Variants in DDX3X observed in about 807,000 individuals in gnomAD.
DDX3X encodes the protein ATP-dependent RNA helicase DDX3X.
Under a neutral mutation model 52.7 loss-of-function variants are expected in DDX3X, and 4 were observed. The ratio of observed to expected loss-of-function variants is 0.08; its 90% CI spans 0.04 to 0.17. The LOEUF (loss-of-function observed/expected upper bound fraction) is 0.17. Among genes scored for constraint, DDX3X ranks in the 10% least tolerant of loss-of-function variants. The pLI is 1.00. For missense variants in DDX3X, 222 were observed against 548.6 expected, an observed-to-expected ratio of 0.40 and a Z score of 5.95; for synonymous variants, 192 against 178.1, an observed-to-expected ratio of 1.08 and a Z score of -0.62.
chrX:41,334,049 A>AGAAGTCGCCGCGAC, upstream of DDX3X: 4 of 434,730 alleles, frequency 9.2e-6, no homozygotes, highest in South Asian at 1.5e-4. Flanking sequence ...GTAGCCGGGC[A>AGAAGTCGCCGCGAC]GAAGTCGCCG....
chrX:41,334,821 G>A (rs1224146481), intron 1 of DDX3X: 1 of 862,725 alleles, frequency 1.2e-6, no homozygotes, highest in Non-Finnish European at 1.5e-6. Flanking sequence ...TCGGGGTAAT[G>A]GCGGCGGCCT....
chrX:41,362,336 G>A lies in DDX3X; in HGVS notation c.655-1938G>A, dbSNP rs1721683. On this transcript the variant is annotated intron_variant, in intron 5 of 5. Coordinates refer to the DDX3X transcript ENST00000616050. ...ACTCCTGACCTCAGGTAATCTGCCC[G>A]CCTTGGCCCCTCAAAGTGCTGGGAT... Among the ~76,000 whole-genome samples, 553 of 110,473 alleles carry A rather than the reference G, an allele frequency of 5.0e-3. 4 individuals are homozygous for A. The highest frequency in any genetic ancestry group is 7.3e-3 in the Non-Finnish European group (386 of 52,827).
In DDX3X at chrX:41,342,641, A is replaced by G; in HGVS notation, c.431A>G (p.Glu144Gly). Residue 144 changes from glutamate to glycine, a missense_variant, in exon 5 of 17, where the codon GAA becomes GGA. Coordinates refer to ENST00000644876, the MANE Select transcript of DDX3X (RefSeq NM_001356.5). The stretch of plus-strand genomic sequence containing the variant: ...TGGTCAAAACCACTCCCACCAAGTG[A>G]ACGCTTGGAACAGTAAGTTTTTGAA... Reference protein sequence around the residue: ...DDWSKPLPPSERLEQELFSGG... With the variant: ...DDWSKPLPPSGRLEQELFSGG... 8.3e-7 allele frequency: 1 copy of G among 1,211,787 alleles called. No individual in the cohort carries two copies. Among genetic ancestry groups the G allele is most frequent in the Non-Finnish European group, 1.1e-6 (1 of 895,420 alleles).
At chrX:41,352,426 C>T (rs2063992623), downstream of DDX3X, among the ~76,000 whole-genome samples, 1 of 111,328 alleles carries the variant, frequency 9.0e-6, no homozygotes, top group Admixed American at 9.7e-5. Context: ...TCATTCTATT[C>T]CCAACAGCCC....
chrX:41,362,083 C>CTTT lies in DDX3X; in HGVS notation c.655-2171_655-2169dup, dbSNP rs1176759189. On this transcript the variant is annotated intron_variant, in intron 5 of 5. Transcript: ENST00000616050. ...CTAAAATCCTGAGCCAAATAATTAA[C>CTTT]TTTTTTTTTTTTTTTTTTTTTTGAG... 2.2e-3 allele frequency among the ~76,000 whole-genome samples: 158 copies of CTTT among 72,656 alleles called. 3 individuals carry two copies. The highest frequency in any genetic ancestry group is 0.01 in the East Asian group (19 of 1,870). The allele number at this position is 72,656 out of a possible 115,157, so 63.1% of individuals were successfully genotyped here. A position where few individuals can be genotyped will look rare whatever the true frequency, so the allele number is the denominator to read the frequency against.
Position 41,350,022 on chromosome X carries a change from CAGCA to C in DDX3X, c.*2309_*2312del, listed in dbSNP as rs1383729009. The C allele has an allele frequency of 5.4e-5, 6 of 110,410 alleles. No homozygotes were observed. The highest frequency in any genetic ancestry group is 2.0e-4 in the African/African-American group (6 of 30,369). The allele number at this position is 110,410 out of a possible 1,213,427, so 9.1% of individuals were successfully genotyped here. A position where few individuals can be genotyped will look rare whatever the true frequency, so the allele number is the denominator to read the frequency against. On this transcript the variant is annotated 3_prime_UTR_variant, in exon 17 of 17. Coordinates refer to ENST00000644876, the MANE Select transcript of DDX3X (RefSeq NM_001356.5). ...GCAATAGCATTTGAGCAAGTTTTAT[CAGCA>C]AGCAATATTTTCAGTTAATAAGGTT...
intron 4 of DDX3X, 23 bp downstream of exon 4, chrX:41,341,639 T>C (rs1569236428): frequency 2.5e-6 from 3 of 1,191,027 alleles, no homozygotes; most frequent in Non-Finnish European, 3.4e-6. Flanking sequence ...TTAATCACCT[T>C]ACGTGTATGT....
chrX:41,346,146 T>G, intron 12 of DDX3X, 83 bp from the exon 13 acceptor site: 1 of 827,353 alleles, frequency 1.2e-6, no homozygotes, highest in Non-Finnish European at 1.7e-6. Context: ...GTATTTTAAT[T>G]GACACATTAA....
At chrX:41,353,474 T>A (rs5963959), downstream of DDX3X, among the ~76,000 whole-genome samples, 580 of 101,830 alleles carry the variant, frequency 5.7e-3, 4 homozygotes, top group African/African-American at 0.018. Flanking sequence ...TCTCAAAAAA[T>A]ATATATATAT....
rs1306601669 is a variant in DDX3X, at chrX:41,340,766, C to G, written c.152-718C>G. 1.0e-5 allele frequency: 3 copies of G among 294,924 alleles called. No homozygotes were observed. The Admixed American group carries it at 1.9e-4, about 18-fold the overall frequency. 24.3% of individuals were successfully genotyped at this position (294,924 alleles called of 1,213,427 possible). On this transcript the variant is annotated intron_variant, in intron 3 of 16. Transcript: ENST00000644876. ...GTATTAAACCAAGTAATCTGACAGT[C>G]TATGAATGTTCTAAATGAATACCAC...
chrX:41,333,898 T>C (rs927514334), upstream of DDX3X: 5 of 177,627 alleles, frequency 2.8e-5, no homozygotes, highest in Non-Finnish European at 3.2e-5. Context: ...AGGCTGAGAC[T>C]AGGGTTTTAG....
intron 12 of DDX3X, 99 bp downstream of exon 12, chrX:41,345,647 A>G (rs1304480572): frequency 1.3e-6 from 1 of 754,412 alleles, no homozygotes; most frequent in African/African-American, 2.2e-5. Context: ...CTCATTACTG[A>G]TCAGCATGGG....
intron 3 of DDX3X, chrX:41,340,218 T>G (rs1278923422): frequency 8.9e-6 from 1 of 112,351 alleles, no homozygotes; most frequent in Admixed American, 9.4e-5. Context: ...TGGCATTATA[T>G]TCTTTTTAGG....
chrX:41,341,625 TTTC>T lies in DDX3X; in HGVS notation c.284+12_284+14del. The T allele has an allele frequency of 8.3e-7, 1 of 1,206,716 alleles. No homozygotes were observed. Among genetic ancestry groups the T allele is most frequent in the Non-Finnish European group, 1.1e-6 (1 of 891,349 alleles). ...AGTGGATCAAGGGGAAGGTAAGTGA[TTTC>T]TTAATCACCTTACGTGTATGTATAA... is the stretch of plus-strand genomic sequence containing the variant. On this transcript the variant is annotated intron_variant, in intron 4 of 16. Transcript: ENST00000644876.
rs1035452036 is a variant in DDX3X, at chrX:41,348,177, T to C, written c.*458T>C. The C allele has an allele frequency of 1.2e-4, 28 of 241,797 alleles. No individual in the cohort carries two copies. The highest frequency in any genetic ancestry group is 1.8e-4 in the Non-Finnish European group (25 of 136,133). The allele number at this position is 241,797 out of a possible 1,213,427, so 19.9% of individuals were successfully genotyped here. A position where few individuals can be genotyped will look rare whatever the true frequency, so the allele number is the denominator to read the frequency against. ...GTGTGATACAACTTAACAGGAATCA[T>C]CGATTCATCCATAAATAATATAAGG... On this transcript the variant is annotated 3_prime_UTR_variant, in exon 17 of 17. Coordinates refer to ENST00000644876, the MANE Select transcript of DDX3X (RefSeq NM_001356.5).
intron 10 of DDX3X, among the ~76,000 whole-genome samples, chrX:41,344,727 C>T (rs192692000): frequency 8.0e-5 from 9 of 112,204 alleles, no homozygotes; most frequent in East Asian, 5.6e-4. Flanking sequence ...TGTGAGCCAT[C>T]GCACCCGGCC....
intron 13 of DDX3X, 37 bp downstream of exon 13, chrX:41,346,447 A>G (rs747766991): frequency 2.5e-6 from 3 of 1,193,091 alleles, no homozygotes; most frequent in Non-Finnish European, 3.4e-6. Flanking sequence ...CAAATTGAGC[A>G]TGTTCAAGTA....
intron 12 of DDX3X, 86 bp from the exon 13 acceptor site, chrX:41,346,143 A>C: frequency 2.4e-6 from 2 of 819,952 alleles, no homozygotes; most frequent in Non-Finnish European, 3.5e-6. Flanking sequence ...TATGTATTTT[A>C]ATTGACACAT....
intron 14 of DDX3X, 52 bp downstream of exon 14, chrX:41,346,674 A>T: frequency 3.9e-6 from 4 of 1,017,130 alleles, no homozygotes; most frequent in Non-Finnish European, 5.4e-6. Context: ...TGATGTGTGC[A>T]GGAAAGAACT....
Sources: allele counts gnomAD v4.1 joint callset (sites outside exome capture counted in the v4.1 genomes callset), GRCh38; gene constraint gnomAD v4.1.1; transcripts MANE v1.5; gene names NCBI Gene and HGNC (gene_info 2026-07-23, HGNC 2026-07-21).